The following ADGRF3 variants were observed in gnomAD, a reference collection of about 807,000 sequenced individuals.
ADGRF3 encodes the protein adhesion G protein-coupled receptor F3, also known as G protein-coupled receptor 113.
ADGRF3 carries 85 observed loss-of-function variants against 93.2 expected under a neutral mutation model. That is an observed-to-expected ratio of 0.91 (90% CI 0.77 to 1.09). The LOEUF is 1.09. ADGRF3 is among the 50% of genes least tolerant of loss of function. The pLI, the probability that ADGRF3 is intolerant of heterozygous loss-of-function variation, is 0.00. For synonymous variants in ADGRF3, 534 were observed against 532.5 expected (o/e 1.00, Z -0.04); for missense variants, 1,125 against 1,246.2 (o/e 0.90, Z 1.46).
At chr2:26,337,954 C>G (rs1676148256) in intron 1 of ADGRF3, among the ~76,000 whole-genome samples, 1 of 152,138 alleles carries the variant, frequency 6.6e-6, no homozygotes. Context: ...ACCCAGGAAG[C>G]AGAGGTTGCA....
chr2:26,329,204 T>C (rs567902414), intron 1 of ADGRF3, among the ~76,000 whole-genome samples: 1 of 152,128 alleles, frequency 6.6e-6, no homozygotes, highest in Non-Finnish European at 1.5e-5. Flanking sequence ...GGCACAATCA[T>C]GGCTCACTGC....
rs190970827 is a variant in ADGRF3, at chr2:26,345,981, G to A, written c.114+140C>T. On this transcript the variant is annotated intron_variant, in intron 1 of 13. Coordinates refer to ENST00000651242, the MANE Select transcript of ADGRF3 (RefSeq NM_001321971.2). ...ACGCCGATTGGACAACAGCAGTGTC[G>A]GGGGACGGGCCGCTCGAGCGGGCTA... 2,681 of 802,418 alleles carry A rather than the reference G, an allele frequency of 3.3e-3. 5 individuals carry two copies. Among genetic ancestry groups the A allele is most frequent in the Non-Finnish European group, 4.3e-3 (2,251 of 517,884 alleles). 49.7% of individuals were successfully genotyped at this position (802,418 alleles called of 1,614,324 possible).
At chr2:26,332,965 ATTGT>A (rs1675851370) in intron 1 of ADGRF3, among the ~76,000 whole-genome samples, 2 of 152,050 alleles carry the variant, frequency 1.3e-5, no homozygotes, top group African/African-American at 2.4e-5. Context: ...TTATAACTGT[ATTGT>A]TTGCTTGTTT....
intron 1 of ADGRF3, 176 bp downstream of exon 1, chr2:26,345,944 GT>G (rs1676705331): frequency 6.4e-6 from 4 of 620,442 alleles, no homozygotes; most frequent in South Asian, 2.1e-5. Flanking sequence ...GGGACTTAGT[GT>G]TGCCTGATCC....
intron 10 of ADGRF3, 141 bp downstream of exon 10, chr2:26,310,551 A>C: frequency 1.2e-6 from 1 of 829,026 alleles, no homozygotes; most frequent in Non-Finnish European, 1.9e-6. Flanking sequence ...CAGTGGAGGA[A>C]CTGGGATCCA....
chr2:26,317,052 G>T lies in ADGRF3; in HGVS notation c.185C>A (p.Ser62Ter). The T allele has an allele frequency of 1.2e-6, 2 of 1,608,826 alleles. No individual in the cohort carries two copies. Among genetic ancestry groups the T allele is most frequent in the Non-Finnish European group, 1.7e-6 (2 of 1,177,974 alleles). Residue 62 changes from serine (S) to a stop codon, truncating the protein, a stop_gained, in exon 3 of 14, where the codon TCA (serine) becomes TAA (stop). Coordinates refer to ENST00000651242, the MANE Select transcript of ADGRF3 (RefSeq NM_001321971.2). LOFTEE classifies it high-confidence loss of function. ...ATGTACATAGACGGAGACCAGCGCTGATTCTACAGGAGCAGAGGGGACAGC... is the reference window on the plus strand; with the variant it reads ...ATGTACATAGACGGAGACCAGCGCTTATTCTACAGGAGCAGAGGGGACAGC... ...LLDQENGAGE[S>*]ALVSVYVHLD...
At chr2:26,337,456 A>AT (rs1676119261) in intron 1 of ADGRF3, among the ~76,000 whole-genome samples, 2 of 152,376 alleles carry the variant, frequency 1.3e-5, no homozygotes, top group South Asian at 4.1e-4. Flanking sequence ...GCTAATTAGC[A>AT]TATCTAGCAA....
chr2:26,321,176 G>A (rs1415647019), intron 1 of ADGRF3, among the ~76,000 whole-genome samples: 3 of 151,958 alleles, frequency 2.0e-5, no homozygotes, highest in Non-Finnish European at 4.4e-5. Flanking sequence ...ATCCCCCCTT[G>A]CCAGTTTTGC....
chr2:26,336,222 T>C (rs140799572), intron 1 of ADGRF3, among the ~76,000 whole-genome samples: 105 of 152,122 alleles, frequency 6.9e-4, no homozygotes, highest in Middle Eastern at 3.4e-3. Context: ...GAGAGGGAGT[T>C]AACCAGTCAC....
rs754195511 is a variant in ADGRF3, at chr2:26,309,076, C to T, written c.*10G>A. The T allele has an allele frequency of 3.2e-5, 52 of 1,613,824 alleles. No homozygotes were observed. In the South Asian group the frequency reaches 5.3e-4, roughly 16 times the overall value. ...CAACTCCCTTGCAGGAACATGGGTC[C>T]GTGTGTGGTTCACTCTGAAGCATCT... On this transcript the variant is annotated 3_prime_UTR_variant, in exon 14 of 14. Coordinates refer to ENST00000651242, the MANE Select transcript of ADGRF3 (RefSeq NM_001321971.2).
At chr2:26,314,312 G>T in intron 6 of ADGRF3, 102 bp downstream of exon 6, 2 of 1,104,760 alleles carry the variant, frequency 1.8e-6, no homozygotes, top group Non-Finnish European at 2.6e-6. Context: ...CTCTCTGGTT[G>T]AACTGTGGCC....
Position 26,316,997 on chromosome 2 carries a change from AG to A in ADGRF3, c.239del (p.Pro80LeufsTer7). On this transcript the variant is annotated frameshift_variant, in exon 3 of 14. Transcript: ENST00000651242. LOFTEE classifies it high-confidence loss of function. ...GGAGAGTCAGTGTCCTGGAGAGTTC[AG>A]GGGGCCAGGTCTTATCTGGAAAGTC... is the stretch of plus-strand genomic sequence containing the variant. ...HLDFPDKTWP[P>X]ELSRTLTLPA... is the part of the protein sequence containing the mutation. 1 of 1,613,186 alleles carries A rather than the reference AG, an allele frequency of 6.2e-7. No homozygotes were observed. Among genetic ancestry groups the A allele is most frequent in the Non-Finnish European group, 8.5e-7 (1 of 1,179,586 alleles).
At position 26,313,458 on chromosome 2, in the gene ADGRF3, G is replaced by A; in HGVS notation, c.1188C>T (p.Leu396=). The change falls in exon 8 of 14, where the codon CTC becomes CTT. Residue 396 remains leucine, a synonymous_variant. Transcript: ENST00000651242. ...GCCCCCAGACTCCGTCAGCCCCACA[G>A]AGCCTCCTCACTATGCCCCTCTTGC... The part of the protein sequence containing the change: ...PESKRGIVRR[L]CGADGVWGPV... 1 of 1,611,082 alleles carries A rather than the reference G, an allele frequency of 6.2e-7. No homozygotes were observed. The highest frequency in any genetic ancestry group is 8.5e-7 in the Non-Finnish European group (1 of 1,178,754).
intron 1 of ADGRF3, among the ~76,000 whole-genome samples, chr2:26,337,395 CAAT>C (rs1676115565): frequency 6.6e-6 from 1 of 152,126 alleles, no homozygotes; most frequent in African/African-American, 2.4e-5. Flanking sequence ...TTTAGGTGTA[CAAT>C]GTGATGTTTT....
intron 1 of ADGRF3, among the ~76,000 whole-genome samples, chr2:26,330,649 G>GA (rs1242676376): frequency 5.9e-5 from 9 of 151,482 alleles, no homozygotes; most frequent in Admixed American, 3.9e-4. Context: ...AGAGAAAAAA[G>GA]AAAAAAAAGG....
intron 1 of ADGRF3, among the ~76,000 whole-genome samples, chr2:26,344,368 T>G (rs11894885): frequency 0.012 from 1,830 of 152,256 alleles, 39 homozygotes; most frequent in African/African-American, 0.041. Flanking sequence ...GGTCTCAAAC[T>G]CCTGATCGCA....
intron 1 of ADGRF3, among the ~76,000 whole-genome samples, chr2:26,344,434 G>A (rs1000538963): frequency 5.9e-5 from 9 of 152,128 alleles, no homozygotes; most frequent in Admixed American, 1.3e-4. Flanking sequence ...GTGAGCCACC[G>A]CGCCTGGCCG....
intron 10 of ADGRF3, 54 bp downstream of exon 10, chr2:26,310,638 G>T: frequency 6.5e-7 from 1 of 1,530,702 alleles, no homozygotes; most frequent in African/African-American, 1.4e-5. Flanking sequence ...GAGATCGGCA[G>T]TGACTTAGAC....
Position 26,318,996 on chromosome 2 carries a change from C to T in ADGRF3, c.115-1434G>A, listed in dbSNP as rs528533265. Reference sequence around the variant, plus strand: ...GGGATGCTTGGGCAACTGGTGACCCCAGCAGGGGAAGAGTTGTGGCCAGGA... The same window carrying T: ...GGGATGCTTGGGCAACTGGTGACCCTAGCAGGGGAAGAGTTGTGGCCAGGA... On this transcript the variant is annotated intron_variant, in intron 1 of 13. Transcript: ENST00000651242. The T allele has an allele frequency of 1.3e-5, 20 of 1,551,728 alleles. No homozygotes were observed. The South Asian group carries it at 1.8e-4, about 14-fold the overall frequency.
Sources: allele counts gnomAD v4.1 joint callset (sites outside exome capture counted in the v4.1 genomes callset), GRCh38; gene constraint gnomAD v4.1.1; transcripts MANE v1.5; gene names NCBI Gene and HGNC (gene_info 2026-07-23, HGNC 2026-07-21).